STX1A: variants seen among roughly 807,000 people sequenced by gnomAD.
STX1A encodes syntaxin-1A.
In STX1A, 4 loss-of-function variants were observed where a neutral mutation model predicts 37.8. That is an observed-to-expected ratio of 0.11 (90% CI 0.05 to 0.24). STX1A has a LOEUF of 0.24. STX1A is among the 10% of genes least tolerant of loss of function. The probability of loss-of-function intolerance (pLI) is 1.00; values close to 1 mark genes in which losing one functional copy is unlikely to be tolerated. For missense variants in STX1A, 251 were observed against 399.9 expected (o/e 0.63, Z 3.18); for synonymous variants, 135 against 147.4 (o/e 0.92, Z 0.61).
chr7:73,710,804 C>A (rs543426318), intron 1 of STX1A, among the ~76,000 whole-genome samples: 4 of 152,192 alleles, frequency 2.6e-5, no homozygotes, highest in African/African-American at 9.7e-5. Flanking sequence ...GGTGCTCTCG[C>A]GTCAGGACGG....
At chr7:73,707,284 T>C (rs1278586471) in intron 3 of STX1A, among the ~76,000 whole-genome samples, 1 of 152,206 alleles carries the variant, frequency 6.6e-6, no homozygotes, top group Non-Finnish European at 1.5e-5. Context: ...CAGGGGGACC[T>C]GTCTGGGGAC....
chr7:73,702,936 T>G lies in STX1A; in HGVS notation c.587A>C (p.Glu196Ala), dbSNP rs1199098748. The change falls in exon 8 of 10, where the codon GAG becomes GCG. Residue 196 changes from glutamate (E) to alanine (A), a missense_variant. By Grantham distance (107) the Glu-to-Ala change is moderately radical (BLOSUM62 -1). This residue lies in a region of STX1A where 214 missense variants were observed against 367.6 expected (regional missense o/e 0.58). Transcript: ENST00000222812. The surrounding 1 kb of genome is among the most constrained non-coding windows in gnomAD (Gnocchi z 4.7). The stretch of plus-strand genomic sequence containing the variant: ...CTTGATGATCTCACTGTGCCGCGTC[T>G]CAATCTCGCTCAGAGCCTGCTTCGA... ...SISKQALSEI[E>A]TRHSEIIKLE... The G allele has an allele frequency of 6.2e-7, 1 of 1,612,208 alleles. No individual in the cohort carries two copies. Among genetic ancestry groups the G allele is most frequent in the Non-Finnish European group, 8.5e-7 (1 of 1,179,676 alleles).
intron 1 of STX1A, among the ~76,000 whole-genome samples, chr7:73,710,909 G>T (rs1004500765): frequency 2.6e-5 from 4 of 152,222 alleles, no homozygotes; most frequent in African/African-American, 9.6e-5. Flanking sequence ...GTGAAATGGG[G>T]ACAGTGACAC....
intron 1 of STX1A, among the ~76,000 whole-genome samples, chr7:73,710,254 C>T (rs1477825300): frequency 2.0e-5 from 3 of 152,238 alleles, no homozygotes; most frequent in Non-Finnish European, 2.9e-5. Flanking sequence ...CAGCATGCTG[C>T]GCACAATTAT....
intron 1 of STX1A, among the ~76,000 whole-genome samples, chr7:73,710,253 G>GCCTCATAC (rs1799051206): frequency 6.6e-6 from 1 of 152,220 alleles, no homozygotes; most frequent in South Asian, 2.1e-4. Context: ...CCAGCATGCT[G>GCCTCATAC]CGCACAATTA....
In STX1A at chr7:73,714,782, A is replaced by AC. The variant is rs201566557; in HGVS notation, c.30+4819_30+4820insG. Among the ~76,000 whole-genome samples, 457 of 151,160 alleles carry AC rather than the reference A, an allele frequency of 3.0e-3. 4 individuals are homozygous for AC. Among genetic ancestry groups the AC allele is most frequent in the African/African-American group, 0.011 (434 of 41,188 alleles). ...AGAATCCTTTGGGGGGGTTAAAAAA[A>AC]AAAAACAAAAACGGCTTCCAGGGAT... On this transcript the variant is annotated intron_variant, in intron 1 of 9. Coordinates refer to ENST00000222812, the MANE Select transcript of STX1A (RefSeq NM_004603.4).
intron 6 of STX1A, 113 bp from the exon 7 acceptor site, chr7:73,703,941 C>A (rs1798766525): frequency 3.9e-6 from 5 of 1,289,464 alleles, no homozygotes; most frequent in Non-Finnish European, 5.2e-6. Flanking sequence ...CCGAGCTCAG[C>A]GGCAGCCTCA....
In STX1A at chr7:73,699,261, G is replaced by C. The variant is rs1406720585; in HGVS notation, c.*1146C>G. On this transcript the variant is annotated 3_prime_UTR_variant, in exon 10 of 10. Coordinates refer to ENST00000222812, the MANE Select transcript of STX1A (RefSeq NM_004603.4). ...AAAAATTTCACAAAATGGGCAGCTG[G>C]TTGTACCAAGACCTTTGGTGAAGGG... The C allele has an allele frequency of 6.5e-6, 1 of 152,686 alleles. No individual in the cohort carries two copies. Among genetic ancestry groups the C allele is most frequent in the Non-Finnish European group, 1.5e-5 (1 of 68,066 alleles). 9.5% of individuals were successfully genotyped at this position (152,686 alleles called of 1,614,324 possible).
At position 73,700,150 on chromosome 7, in the gene STX1A, C is replaced by A; in HGVS notation, c.*257G>T. On this transcript the variant is annotated 3_prime_UTR_variant, in exon 10 of 10. Transcript: ENST00000222812. The surrounding 1 kb of genome is among the most constrained non-coding windows in gnomAD (Gnocchi z 4.4). Reference sequence around the variant, plus strand: ...CCTGGCGGCCCTGCCTGGGTCTGCTCCTCGCTGTGCACACTGCATCACGCC... The same window carrying A: ...CCTGGCGGCCCTGCCTGGGTCTGCTACTCGCTGTGCACACTGCATCACGCC... The A allele has an allele frequency of 1.8e-6, 1 of 562,840 alleles. No homozygotes were observed. The highest frequency in any genetic ancestry group is 1.9e-5 in the African/African-American group (1 of 53,242). The allele number at this position is 562,840 out of a possible 1,614,324, so 34.9% of individuals were successfully genotyped here.
rs1397471245 is a variant in STX1A, at chr7:73,706,504, C to T, written c.209-1280G>A. The stretch of plus-strand genomic sequence containing the variant: ...CCCTAGAACCCCCAACATGAGCCCC[C>T]TCCTCTTAGCGAGAGCCTGGGACTC... On this transcript the variant is annotated intron_variant, in intron 3 of 9. Transcript: ENST00000222812. This position sits in a 1 kb window ranked among gnomAD's most constrained non-coding sequence, Gnocchi z 4.6. Among the ~76,000 whole-genome samples, 4 of 152,116 alleles carry T rather than the reference C, an allele frequency of 2.6e-5. No homozygotes were observed. Among genetic ancestry groups the T allele is most frequent in the African/African-American group, 9.7e-5 (4 of 41,410 alleles).
chr7:73,718,795 C>T (rs532645334), intron 1 of STX1A, among the ~76,000 whole-genome samples: 1 of 152,088 alleles, frequency 6.6e-6, no homozygotes, highest in Non-Finnish European at 1.5e-5. Flanking sequence ...TTTGTGCATC[C>T]TCCTACTCCC....
chr7:73,702,886 G>A lies in STX1A; in HGVS notation c.637C>T (p.His213Tyr), dbSNP rs782529244. 5 of 1,613,890 alleles carry A rather than the reference G, an allele frequency of 3.1e-6. No homozygotes were observed. Among genetic ancestry groups the A allele is most frequent in the Non-Finnish European group, 4.2e-6 (5 of 1,180,008 alleles). Residue 213 changes from histidine (H) to tyrosine (Y), a missense_variant, in exon 8 of 10, where the codon CAC (histidine) becomes TAC (tyrosine). Physicochemically the swap from His to Tyr is moderately conservative, Grantham distance 83. Transcript: ENST00000222812. This position sits in a 1 kb window ranked among gnomAD's most constrained non-coding sequence, Gnocchi z 4.7. ...ATGGCCATGTCCATGAACATGTCGT[G>A]TAGCTCACGGATGCTGTTCTCCAGC... Reference protein sequence around the residue: ...IKLENSIRELHDMFMDMAMLV... With the variant: ...IKLENSIRELYDMFMDMAMLV...
At chr7:73,701,037 C>A (rs755853911) in intron 8 of STX1A, 197 bp from the exon 9 acceptor site, 1 of 1,030,350 alleles carries the variant, frequency 9.7e-7, no homozygotes, top group Non-Finnish European at 1.4e-6. Context: ...AAGGCAGCTC[C>A]CACATTTCCC....
At chr7:73,704,603 C>A in intron 4 of STX1A, 180 bp from the exon 5 acceptor site, 1 of 713,956 alleles carries the variant, frequency 1.4e-6, no homozygotes, top group Non-Finnish European at 2.4e-6. Flanking sequence ...CCAGCTGTGA[C>A]GCTGTGTGGT....
intron 7 of STX1A, chr7:73,703,484 G>C: frequency 1.5e-6 from 1 of 671,706 alleles, no homozygotes; most frequent in Non-Finnish European, 2.7e-6. Context: ...GAGAGGAAAA[G>C]GGCCCACGGA....
chr7:73,704,061 G>A (rs898786104), intron 6 of STX1A, 87 bp downstream of exon 6: 17 of 1,413,298 alleles, frequency 1.2e-5, no homozygotes, highest in Admixed American at 4.2e-5. Flanking sequence ...TAACTAAGCA[G>A]CAGCCTTGAG....
chr7:73,718,964 C>T (rs569697015), intron 1 of STX1A, among the ~76,000 whole-genome samples: 1 of 142,632 alleles, frequency 7.0e-6, no homozygotes, highest in African/African-American at 2.8e-5. Context: ...GTGTGACGCC[C>T]CCCCCCCCAT....
At chr7:73,716,597 C>T (rs1799296849) in intron 1 of STX1A, 1 of 152,586 alleles carries the variant, frequency 6.6e-6, no homozygotes, top group Non-Finnish European at 1.5e-5. Flanking sequence ...TCCTCCTATT[C>T]AAATCCAGCT....
chr7:73,703,723 G>C, intron 7 of STX1A, 32 bp downstream of exon 7: 1 of 1,605,768 alleles, frequency 6.2e-7, no homozygotes, highest in East Asian at 2.2e-5. Flanking sequence ...TGGTGAGGGG[G>C]TCATGGCAGG....
Sources: allele counts gnomAD v4.1 joint callset (sites outside exome capture counted in the v4.1 genomes callset), GRCh38; gene constraint gnomAD v4.1.1; regional missense constraint gnomAD v4.1.1; non-coding constraint Gnocchi (gnomAD v3.1); transcripts MANE v1.5; gene names NCBI Gene and HGNC (gene_info 2026-07-23, HGNC 2026-07-21).